GAS7: variants seen among roughly 807,000 people sequenced by gnomAD.
The protein encoded by GAS7 is growth arrest-specific protein 7.
In GAS7, 28 loss-of-function variants were observed where a neutral mutation model predicts 71.1. The observed-to-expected ratio is 0.39, with a 90% CI of 0.29 to 0.54. GAS7 has a LOEUF of 0.54. GAS7 is among the 20% of genes least tolerant of loss of function. The probability of loss-of-function intolerance (pLI) is 0.62; values close to 1 mark genes in which losing one functional copy is unlikely to be tolerated. For missense variants in GAS7, 436 were observed against 627.8 expected, an observed-to-expected ratio of 0.69 and a Z score of 3.27; for synonymous variants, 258 against 245.8, an observed-to-expected ratio of 1.05 and a Z score of -0.46.
At chr17:10,061,720 G>A (rs937057044) in intron 1 of GAS7, among the ~76,000 whole-genome samples, 2 of 152,148 alleles carry the variant, frequency 1.3e-5, no homozygotes, top group East Asian at 3.9e-4. Flanking sequence ...GGGCAGCTGT[G>A]GCACCCACCC....
chr17:10,100,289 G>C (rs1160414727), intron 1 of GAS7, among the ~76,000 whole-genome samples: 3 of 152,156 alleles, frequency 2.0e-5, no homozygotes, highest in Admixed American at 2.0e-4. Flanking sequence ...TCAAAGAAAT[G>C]ATCTGTATCT....
chr17:10,169,330 T>C (rs1232976910), intron 1 of GAS7, among the ~76,000 whole-genome samples: 2 of 152,158 alleles, frequency 1.3e-5, no homozygotes, highest in Non-Finnish European at 2.9e-5. Context: ...TGTAAAACCT[T>C]GTAGACAGTA....
intron 6 of GAS7, among the ~76,000 whole-genome samples, chr17:9,945,976 ACT>A (rs539815870): frequency 1.9e-4 from 29 of 151,924 alleles, no homozygotes; most frequent in Non-Finnish European, 3.7e-4. Flanking sequence ...ACAGAGTGAG[ACT>A]CTGTCTCAAA....
At chr17:9,982,028 C>A in intron 2 of GAS7, 144 bp from the exon 3 acceptor site, 1 of 611,538 alleles carries the variant, frequency 1.6e-6, no homozygotes, top group Middle Eastern at 2.7e-4. Flanking sequence ...CAGACAGGAC[C>A]CTGCTTTCTG....
rs1342338453 is a variant in GAS7, at chr17:10,198,465, G to A, written c.-75C>T. 4.4e-6 allele frequency: 5 copies of A among 1,148,646 alleles called. No individual in the cohort carries two copies. The African/African-American group carries it at 6.6e-5, about 15-fold the overall frequency. 71.2% of individuals were successfully genotyped at this position (1,148,646 alleles called of 1,614,324 possible). A position where few individuals can be genotyped will look rare whatever the true frequency, so the allele number is the denominator to read the frequency against. ...ACGGGCTGGGCAGCGGCTCCGCGGG[G>A]TCCCAGGCGCCCGGCGCTCCGGGCT... is the stretch of plus-strand genomic sequence containing the variant. On this transcript the variant is annotated 5_prime_UTR_variant, in exon 1 of 14. Coordinates refer to ENST00000432992, the MANE Select transcript of GAS7 (RefSeq NM_201433.2).
intron 4 of GAS7, among the ~76,000 whole-genome samples, chr17:9,965,607 C>T (rs9908175): frequency 0.45 from 68,250 of 151,982 alleles, 15,699 homozygotes; most frequent in East Asian, 0.51. Flanking sequence ...TGCAACAAAC[C>T]ACCATGGCAC....
chr17:9,923,373 CAAGCA>C (rs2152071678), intron 11 of GAS7, among the ~76,000 whole-genome samples: 1 of 112,290 alleles, frequency 8.9e-6, no homozygotes, highest in Non-Finnish European at 1.8e-5. Flanking sequence ...AATAGACAAA[CAAGCA>C]AAAAAAAAAA....
At position 9,925,633 on chromosome 17, in the gene GAS7, C is replaced by A. The variant is rs74868627; in HGVS notation, c.1015-34G>T. 21,004 of 1,613,248 alleles carry A rather than the reference C, an allele frequency of 0.013. 1,223 individuals are homozygous for A. In the African/African-American group the frequency reaches 0.17, roughly 13 times the overall value. On this transcript the variant is annotated intron_variant, in intron 10 of 13. Coordinates refer to ENST00000432992, the MANE Select transcript of GAS7 (RefSeq NM_201433.2). ...CAAGGACACGGAGAAGCTGCTCATACAGCTCGGAGCCAGTGGGCCTCCTGG... is the reference window on the plus strand; with the variant it reads ...CAAGGACACGGAGAAGCTGCTCATAAAGCTCGGAGCCAGTGGGCCTCCTGG...
intron 2 of GAS7, among the ~76,000 whole-genome samples, chr17:9,996,334 C>T (rs1324675706): frequency 6.6e-6 from 1 of 150,646 alleles, no homozygotes; most frequent in Non-Finnish European, 1.5e-5. Flanking sequence ...GAAAACCAAA[C>T]ACCACATGTT....
At chr17:10,146,558 C>CAA (rs2074122542) in intron 1 of GAS7, among the ~76,000 whole-genome samples, 1 of 152,188 alleles carries the variant, frequency 6.6e-6, no homozygotes, top group African/African-American at 2.4e-5. Context: ...GAACCAGCAG[C>CAA]TCTGGGAGGA....
At chr17:10,068,945 T>C (rs2073311870) in intron 1 of GAS7, among the ~76,000 whole-genome samples, 2 of 152,200 alleles carry the variant, frequency 1.3e-5, no homozygotes, top group African/African-American at 4.8e-5. Flanking sequence ...TGTAAAACAC[T>C]GTCTAGCAGG....
At chr17:9,930,135 T>C (rs1407028862) in intron 9 of GAS7, among the ~76,000 whole-genome samples, 1 of 152,226 alleles carries the variant, frequency 6.6e-6, no homozygotes, top group East Asian at 1.9e-4. Flanking sequence ...AGACCAGACT[T>C]GAACAGAAAA....
rs747145729 is a variant in GAS7, at chr17:9,946,930, C to T, written c.579G>A (p.Leu193=). The T allele has an allele frequency of 6.2e-7, 1 of 1,613,300 alleles. No homozygotes were observed. The highest frequency in any genetic ancestry group is 1.1e-5 in the South Asian group (1 of 91,068). Residue 193 remains leucine (L), a synonymous_variant, in exon 6 of 14, where the codon CTG becomes CTA. Coordinates refer to ENST00000432992, the MANE Select transcript of GAS7 (RefSeq NM_201433.2). The part of the protein sequence containing the change: ...HPDTMPEQQL[L]KPTEWSYCDY... ...CGCAGTAGCTCCACTCGGTTGGTTT[C>T]AGCAGCTGCTGTTCCGGCATCGTGT...
rs2070416844 is a variant in GAS7 at position 9,981,724 on chromosome 17, A to G, written c.385+80T>C. ...GCTACATCAGCCAGGTTTAAGACCC[A>G]GGACCCATCATCTCAGCCTCTCCAC... is the stretch of plus-strand genomic sequence containing the variant. On this transcript the variant is annotated intron_variant, in intron 3 of 13. Transcript: ENST00000432992. This position sits in a 1 kb window ranked among gnomAD's most constrained non-coding sequence, Gnocchi z 4.4. The G allele has an allele frequency of 1.2e-6, 1 of 862,584 alleles. No homozygotes were observed. Among genetic ancestry groups the G allele is most frequent in the Middle Eastern group, 3.2e-4 (1 of 3,090 alleles). The allele number at this position is 862,584 out of a possible 1,614,324, so 53.4% of individuals were successfully genotyped here.
At chr17:10,042,796 T>A (rs1234318211) in intron 1 of GAS7, among the ~76,000 whole-genome samples, 1 of 151,918 alleles carries the variant, frequency 6.6e-6, no homozygotes, top group East Asian at 1.9e-4. Context: ...CCGAGGAACA[T>A]GATGTACGAA....
rs973143919 is a variant in GAS7 at position 9,992,590 on chromosome 17, T to TA, written c.305-10707_305-10706insT. Among the ~76,000 whole-genome samples the TA allele has an allele frequency of 2.0e-3, 306 of 150,928 alleles. 1 individual carries two copies. Among genetic ancestry groups the TA allele is most frequent in the Middle Eastern group, 0.017 (5 of 292 alleles). ...TTTTTTTTTATTGTAATTTTATTTA[T>TA]TTTTTTTAATTAATTAATTTATTAT... On this transcript the variant is annotated intron_variant, in intron 2 of 13. Transcript: ENST00000432992.
intron 10 of GAS7, 50 bp from the exon 11 acceptor site, chr17:9,925,649 G>A (rs1164342001): frequency 1.9e-6 from 3 of 1,608,226 alleles, no homozygotes; most frequent in East Asian, 2.2e-5. Flanking sequence ...GGAGCCAGTG[G>A]GCCTCCTGGG....
intron 2 of GAS7, among the ~76,000 whole-genome samples, chr17:9,988,417 A>G (rs932260131): frequency 6.6e-6 from 1 of 152,174 alleles, no homozygotes; most frequent in African/African-American, 2.4e-5. Context: ...ATCAGGCCAC[A>G]TTCTCCTGGA....
chr17:10,189,689 A>T (rs1344506194), intron 1 of GAS7, among the ~76,000 whole-genome samples: 1 of 152,218 alleles, frequency 6.6e-6, no homozygotes, highest in African/African-American at 2.4e-5. Flanking sequence ...CTGTAATCCC[A>T]GCACTTTGGG....
Sources: gnomAD v4.1 joint callset for allele counts (sites outside exome capture counted in the v4.1 genomes callset) on GRCh38, gnomAD v4.1.1 for gene constraint, Gnocchi (gnomAD v3.1) non-coding constraint, MANE v1.5 for transcripts, NCBI Gene and HGNC (gene_info 2026-07-23, HGNC 2026-07-21) for gene names.